CDH13: variants seen among roughly 807,000 people sequenced by gnomAD.
CDH13 encodes the protein cadherin-13.
A neutral mutation model predicts 63.8 loss-of-function variants in CDH13; 24 were observed. The observed-to-expected ratio is 0.38, with a 90% CI of 0.27 to 0.53. The LOEUF (loss-of-function observed/expected upper bound fraction) is 0.53. CDH13 is among the 20% of genes least tolerant of loss of function. The pLI is 0.85. For synonymous variants in CDH13, 503 were observed against 355.3 expected, an observed-to-expected ratio of 1.42 and a Z score of -4.67; for missense variants, 1,049 against 903.1, an observed-to-expected ratio of 1.16 and a Z score of -2.07.
chr16:82,870,244 C>A (rs1567616924), intron 2 of CDH13, among the ~76,000 whole-genome samples: 1 of 151,818 alleles, frequency 6.6e-6, no homozygotes, highest in African/African-American at 2.4e-5. Flanking sequence ...CAGAGAAATG[C>A]AAAAAAATGT....
chr16:83,587,531 C>G (rs1346809932), intron 7 of CDH13, among the ~76,000 whole-genome samples: 1 of 152,126 alleles, frequency 6.6e-6, no homozygotes, highest in African/African-American at 2.4e-5. Flanking sequence ...TTAGCCTGAC[C>G]TTAAAAGCAT....
At chr16:83,391,962 T>C (rs1007530770) in intron 6 of CDH13, among the ~76,000 whole-genome samples, 2 of 152,178 alleles carry the variant, frequency 1.3e-5, no homozygotes, top group Non-Finnish European at 2.9e-5. Context: ...ATCAGGGTCA[T>C]TCGAAATGTA....
At chr16:83,109,626 G>C (rs35354019) in intron 3 of CDH13, among the ~76,000 whole-genome samples, 1 of 151,998 alleles carries the variant, frequency 6.6e-6, no homozygotes, top group African/African-American at 2.4e-5. Flanking sequence ...CCTGGATCAC[G>C]TGTGCTCACA....
intron 3 of CDH13, among the ~76,000 whole-genome samples, chr16:83,046,449 AAAAAG>A (rs898660087): frequency 5.3e-5 from 8 of 152,216 alleles, no homozygotes; most frequent in Non-Finnish European, 7.3e-5. Context: ...AAAAGGATAG[AAAAAG>A]AAAAGAAAAG....
intron 1 of CDH13, among the ~76,000 whole-genome samples, chr16:82,851,888 G>A (rs190977696): frequency 2.0e-5 from 3 of 152,256 alleles, no homozygotes; most frequent in Admixed American, 1.3e-4. Flanking sequence ...ACAAATCTAA[G>A]ACCCTCCAAA....
At chr16:82,739,055 C>T (rs2033813364) in intron 1 of CDH13, among the ~76,000 whole-genome samples, 1 of 152,222 alleles carries the variant, frequency 6.6e-6, no homozygotes, top group Non-Finnish European at 1.5e-5. Flanking sequence ...TGAATCCTTG[C>T]TCTTCCCCAC....
intron 5 of CDH13, among the ~76,000 whole-genome samples, chr16:83,341,209 C>G (rs1009228971): frequency 6.6e-6 from 1 of 152,164 alleles, no homozygotes; most frequent in African/African-American, 2.4e-5. Context: ...AAGCATTATT[C>G]CAGTCTTTTC....
chr16:83,031,292 C>T (rs71388385), intron 2 of CDH13, among the ~76,000 whole-genome samples: 13,627 of 130,502 alleles, frequency 0.1, 1,244 homozygotes, highest in East Asian at 0.21. Context: ...CATATACATG[C>T]GCATGTATCC....
intron 1 of CDH13, among the ~76,000 whole-genome samples, chr16:82,722,100 A>C (rs2032811518): frequency 6.6e-6 from 1 of 152,136 alleles, no homozygotes; most frequent in Non-Finnish European, 1.5e-5. Flanking sequence ...GTATAGAATA[A>C]ACTTTTTTTC....
At chr16:82,687,703 G>T (rs1252362445) in intron 1 of CDH13, among the ~76,000 whole-genome samples, 2 of 152,022 alleles carry the variant, frequency 1.3e-5, no homozygotes, top group Admixed American at 1.3e-4. Context: ...GATGAAATGT[G>T]GCTGGGGACA....
intron 1 of CDH13, among the ~76,000 whole-genome samples, chr16:82,772,639 C>T (rs538112270): frequency 1.1e-4 from 16 of 152,330 alleles, no homozygotes; most frequent in African/African-American, 3.8e-4. Context: ...AGATGCTTTA[C>T]TTTGGCTAAT....
Position 82,988,544 on chromosome 16 carries a change from C to G in CDH13, c.158-43466C>G, listed in dbSNP as rs144831807. Among the ~76,000 whole-genome samples, 832 of 152,048 alleles carry G rather than the reference C, an allele frequency of 5.5e-3. 10 individuals carry two copies. The highest frequency in any genetic ancestry group is 7.0e-3 in the Non-Finnish European group (477 of 67,952). On this transcript the variant is annotated intron_variant, in intron 2 of 13. Transcript: ENST00000567109. ...TGGGAGGCTGAGGCGGGCAGATCAC[C>G]TGAGGTCAGGAGTTCGAGACCTGCC...
At chr16:83,542,200 A>T (rs2075307367) in intron 7 of CDH13, among the ~76,000 whole-genome samples, 1 of 152,034 alleles carries the variant, frequency 6.6e-6, no homozygotes, top group African/African-American at 2.4e-5. Flanking sequence ...GAAAGACATC[A>T]CTCTAGACCA....
At chr16:83,131,796 G>A (rs531130763) in intron 4 of CDH13, among the ~76,000 whole-genome samples, 2 of 152,216 alleles carry the variant, frequency 1.3e-5, no homozygotes, top group South Asian at 2.1e-4. Context: ...CTATAAATTG[G>A]TAGAATGGGC....
chr16:82,838,464 T>C (rs997083656), intron 1 of CDH13, among the ~76,000 whole-genome samples: 4 of 152,230 alleles, frequency 2.6e-5, no homozygotes, highest in African/African-American at 9.6e-5. Flanking sequence ...CCTTCCTGTT[T>C]ATTGACTTAA....
intron 6 of CDH13, among the ~76,000 whole-genome samples, chr16:83,433,148 C>T (rs917333319): frequency 1.3e-5 from 2 of 152,192 alleles, no homozygotes; most frequent in Non-Finnish European, 2.9e-5. Flanking sequence ...CTAGACTAGA[C>T]AGACCAAGTC....
chr16:82,794,715 A>G (rs2036497197), intron 1 of CDH13, among the ~76,000 whole-genome samples: 1 of 152,152 alleles, frequency 6.6e-6, no homozygotes, highest in Non-Finnish European at 1.5e-5. Context: ...ATACCCCTTC[A>G]GCCTTAATAT....
chr16:82,867,538 G>C (rs149231045), intron 2 of CDH13, among the ~76,000 whole-genome samples: 2 of 152,046 alleles, frequency 1.3e-5, no homozygotes, highest in South Asian at 2.1e-4. Flanking sequence ...GACGTTACTT[G>C]GTCATGCCAC....
At chr16:82,665,237 G>T (rs1026009978) in intron 1 of CDH13, among the ~76,000 whole-genome samples, 2 of 152,272 alleles carry the variant, frequency 1.3e-5, no homozygotes, top group African/African-American at 4.8e-5. Context: ...CAAGTGGACT[G>T]CAGAGTGCTC....
Sources: allele counts gnomAD v4.1 joint callset (sites outside exome capture counted in the v4.1 genomes callset), GRCh38; gene constraint gnomAD v4.1.1; transcripts MANE v1.5; gene names NCBI Gene and HGNC (gene_info 2026-07-23, HGNC 2026-07-21).